The following TSNARE1 variants were observed in gnomAD, a reference collection of about 807,000 sequenced individuals.
TSNARE1 encodes t-SNARE domain containing 1.
A neutral mutation model predicts 62.0 loss-of-function variants in TSNARE1; 49 were observed. That is an observed-to-expected ratio of 0.79 (90% CI 0.63 to 1.00). The LOEUF (loss-of-function observed/expected upper bound fraction) is 1.00, where lower values mean the gene tolerates loss of function less well. TSNARE1 is among the 50% of genes least tolerant of loss of function. The probability of loss-of-function intolerance (pLI) is 0.00; values close to 1 mark genes in which losing one functional copy is unlikely to be tolerated. For synonymous variants in TSNARE1, 328 were observed against 294.4 expected, an observed-to-expected ratio of 1.11 and a Z score of -1.17; for missense variants, 755 against 700.1, an observed-to-expected ratio of 1.08 and a Z score of -0.88.
At chr8:142,345,992 T>C (rs1833321537) in intron 2 of TSNARE1, 100 bp from the exon 3 acceptor site, 2 of 1,413,900 alleles carry the variant, frequency 1.4e-6, no homozygotes, top group Non-Finnish European at 1.9e-6. Flanking sequence ...GGACCCGAGA[T>C]GCTCCACTCA....
intron 13 of TSNARE1, among the ~76,000 whole-genome samples, chr8:142,219,315 G>A (rs2129888712): frequency 6.6e-6 from 1 of 152,312 alleles, no homozygotes; most frequent in East Asian, 1.9e-4. Flanking sequence ...GATGGCAGGA[G>A]ATGACGAGGA....
intron 2 of TSNARE1, among the ~76,000 whole-genome samples, chr8:142,350,094 AGGCAG>A (rs1251005856): frequency 2.7e-5 from 2 of 75,262 alleles, no homozygotes; most frequent in Non-Finnish European, 4.8e-5. Flanking sequence ...CAGGCAGGGC[AGGCAG>A]GGCAGGCAGG....
chr8:142,288,522 C>T (rs1157971599), intron 10 of TSNARE1, among the ~76,000 whole-genome samples: 3 of 152,252 alleles, frequency 2.0e-5, no homozygotes, highest in Non-Finnish European at 4.4e-5. Context: ...AGATAGCTTG[C>T]TCCTCCAAGG....
At position 142,260,905 on chromosome 8, in the gene TSNARE1, A is replaced by G. The variant is rs1482145174; in HGVS notation, c.1446+13876T>C. On this transcript the variant is annotated intron_variant, in intron 12 of 13. Coordinates refer to ENST00000524325, the MANE Select transcript of TSNARE1 (RefSeq NM_145003.5). ...GGAAGGTGAGGGCAGATCTTCTGAT[A>G]AGCACATATCTGAGACCTAAGGGGA... Among the ~76,000 whole-genome samples the G allele has an allele frequency of 3.7e-5, 5 of 135,060 alleles. No individual in the cohort carries two copies. In the Admixed American group the frequency reaches 3.8e-4, roughly 10 times the overall value. The allele number at this position is 135,060 out of a possible 152,430, so 88.6% of individuals were successfully genotyped here.
intron 13 of TSNARE1, among the ~76,000 whole-genome samples, chr8:142,219,933 AC>A (rs1272214706): frequency 3.9e-5 from 6 of 152,168 alleles, no homozygotes; most frequent in African/African-American, 1.2e-4. Flanking sequence ...CCAGCTGGGA[AC>A]AGCAGGAGGT....
intron 10 of TSNARE1, among the ~76,000 whole-genome samples, chr8:142,288,565 GT>G (rs1355241671): frequency 3.9e-5 from 6 of 152,256 alleles, no homozygotes; most frequent in Non-Finnish European, 1.5e-5. Context: ...GGGTTTTGTA[GT>G]CAGTGCTGGT....
Position 142,344,338 on chromosome 8 carries a change from TC to T in TSNARE1, c.372del (p.Lys125SerfsTer16). The T allele has an allele frequency of 6.3e-7, 1 of 1,582,328 alleles. No homozygotes were observed. Among genetic ancestry groups the T allele is most frequent in the Non-Finnish European group, 8.6e-7 (1 of 1,162,432 alleles). ...AGPSTTRAKK[R>X]KPNFCPQETE... Reference sequence around the variant, plus strand: ...GTCTCCTGCGGGCAGAAGTTGGGCTTCCTCTTCTTGGCCCGGGTAGTGCTGG... The same window carrying T: ...GTCTCCTGCGGGCAGAAGTTGGGCTTCTCTTCTTGGCCCGGGTAGTGCTGG... On this transcript the variant is annotated frameshift_variant, in exon 4 of 14. Transcript: ENST00000524325. LOFTEE classifies it high-confidence loss of function.
chr8:142,341,502 G>A (rs1459161633), intron 4 of TSNARE1, among the ~76,000 whole-genome samples: 1 of 152,166 alleles, frequency 6.6e-6, no homozygotes, highest in Non-Finnish European at 1.5e-5. Context: ...CCCGGGGCCT[G>A]ACCCCAGCCT....
In TSNARE1 at chr8:142,250,235, C is replaced by T. The variant is rs1264776743; in HGVS notation, c.1447-20656G>A. Among the ~76,000 whole-genome samples, 11 of 152,142 alleles carry T rather than the reference C, an allele frequency of 7.2e-5. No individual in the cohort carries two copies. The East Asian group carries it at 7.7e-4, about 11-fold the overall frequency. On this transcript the variant is annotated intron_variant, in intron 12 of 13. Coordinates refer to ENST00000524325, the MANE Select transcript of TSNARE1 (RefSeq NM_145003.5). ...ATTTTTACAGCCATTCTCCTGCCAG[C>T]GGCAAGAGCATTTTGAGGGAAAAAT...
At chr8:142,236,334 T>C (rs1489375499) in intron 12 of TSNARE1, among the ~76,000 whole-genome samples, 2 of 150,344 alleles carry the variant, frequency 1.3e-5, no homozygotes, top group African/African-American at 4.9e-5. Flanking sequence ...GTGGGGAGCC[T>C]GGCAGGGGCA....
chr8:142,277,115 C>T (rs953241781), intron 11 of TSNARE1: 3 of 985,256 alleles, frequency 3.0e-6, no homozygotes, highest in African/African-American at 3.5e-5. Context: ...GTGGCTTTGT[C>T]AGGTCTTGGA....
chr8:142,271,489 CGAAGAGGGCGGG>C, intron 12 of TSNARE1: 1 of 1,293,686 alleles, frequency 7.7e-7, no homozygotes, highest in Non-Finnish European at 9.8e-7. Context: ...GTGCTGGCGC[CGAAGAGGGCGGG>C]GAAGGCTGGA....
chr8:142,310,706 C>T (rs1827432724), intron 9 of TSNARE1, among the ~76,000 whole-genome samples: 1 of 152,130 alleles, frequency 6.6e-6, no homozygotes, highest in Non-Finnish European at 1.5e-5. Context: ...CAGTCTTGTC[C>T]CTTTAAAAAT....
chr8:142,281,348 C>T (rs1055102937), intron 11 of TSNARE1, among the ~76,000 whole-genome samples: 5 of 151,972 alleles, frequency 3.3e-5, no homozygotes, highest in African/African-American at 1.2e-4. Flanking sequence ...ATAGACAGGG[C>T]GGGATGAATG....
At chr8:142,308,333 T>C (rs1233775333) in intron 9 of TSNARE1, among the ~76,000 whole-genome samples, 1 of 152,198 alleles carries the variant, frequency 6.6e-6, no homozygotes, top group African/African-American at 2.4e-5. Context: ...TGCTACTGCC[T>C]TATCTTTCGC....
chr8:142,315,237 C>T, intron 7 of TSNARE1, 145 bp from the exon 8 acceptor site: 1 of 793,532 alleles, frequency 1.3e-6, no homozygotes, highest in Non-Finnish European at 2.0e-6. Context: ...CTCCGTGTCA[C>T]CGTCGTCTCC....
intron 12 of TSNARE1, among the ~76,000 whole-genome samples, chr8:142,233,071 A>C (rs780790324): frequency 2.0e-5 from 3 of 152,204 alleles, no homozygotes; most frequent in Non-Finnish European, 4.4e-5. Flanking sequence ...GGGAGGGGAC[A>C]GCCGGCCAGG....
Position 142,243,983 on chromosome 8 carries a change from C to T in TSNARE1, c.1447-14404G>A, listed in dbSNP as rs181031278. 9.3e-4 allele frequency among the ~76,000 whole-genome samples: 141 copies of T among 152,028 alleles called. 1 individual carries two copies. Among genetic ancestry groups the T allele is most frequent in the African/African-American group, 2.9e-3 (119 of 41,402 alleles). The stretch of plus-strand genomic sequence containing the variant: ...CAGGCGGATCACGAGGTCAGGAGAT[C>T]GAGACCATCTGGCTAACACGGTGAA... On this transcript the variant is annotated intron_variant, in intron 12 of 13. Transcript: ENST00000524325.
At chr8:142,392,390 G>A (rs570340058) in intron 1 of TSNARE1, among the ~76,000 whole-genome samples, 29 of 152,226 alleles carry the variant, frequency 1.9e-4, no homozygotes, top group African/African-American at 5.8e-4. Context: ...TACACAGAAC[G>A]GTAACATAGT....
Sources: allele counts gnomAD v4.1 joint callset (sites outside exome capture counted in the v4.1 genomes callset), GRCh38; gene constraint gnomAD v4.1.1; transcripts MANE v1.5; gene names NCBI Gene and HGNC (gene_info 2026-07-23, HGNC 2026-07-21).